Variants in MAGI2 observed in about 807,000 individuals in gnomAD.
MAGI2 encodes the protein membrane associated guanylate kinase, WW and PDZ domain containing 2, also known as membrane-associated guanylate kinase, WW and PDZ domain-containing protein 2.
In MAGI2, 35 loss-of-function variants were observed where a neutral mutation model predicts 133.3. That is an observed-to-expected ratio of 0.26 (90% CI 0.20 to 0.35). The LOEUF is 0.35. MAGI2 is among the 10% of genes least tolerant of loss of function. The pLI is 1.00. For missense variants in MAGI2, 1,636 were observed against 1,863.4 expected (o/e 0.88, Z 2.25); for synonymous variants, 729 against 710.6 (o/e 1.03, Z -0.41).
chr7:79,114,092 C>A (rs1036635797), intron 1 of MAGI2, among the ~76,000 whole-genome samples: 2 of 152,078 alleles, frequency 1.3e-5, no homozygotes, highest in African/African-American at 4.8e-5. Context: ...ACTGGGATTG[C>A]CATTCTAGAT....
chr7:78,898,258 G>A (rs534028662), intron 2 of MAGI2, among the ~76,000 whole-genome samples: 15 of 152,290 alleles, frequency 9.8e-5, no homozygotes, highest in East Asian at 9.7e-4. Flanking sequence ...TAGTTCATCC[G>A]TTGTGGAAAA....
intron 13 of MAGI2, among the ~76,000 whole-genome samples, chr7:78,185,335 C>T (rs1017701476): frequency 5.9e-5 from 9 of 152,160 alleles, no homozygotes; most frequent in African/African-American, 4.8e-5. Context: ...TTACACAGCA[C>T]GGACCTAGTC....
intron 7 of MAGI2, among the ~76,000 whole-genome samples, chr7:78,352,701 A>T (rs1286296863): frequency 6.6e-6 from 1 of 152,196 alleles, no homozygotes; most frequent in Non-Finnish European, 1.5e-5. Flanking sequence ...ATTGGCACTG[A>T]AACTCTTACA....
chr7:79,337,748 T>C lies in MAGI2; in HGVS notation c.301+115272A>G, dbSNP rs372801304. On this transcript the variant is annotated intron_variant, in intron 1 of 21. Coordinates refer to ENST00000354212, the MANE Select transcript of MAGI2 (RefSeq NM_012301.4). ...TACAATGCCCATAGAGATAACCACATAGGGCAATGCTCATTCTTAAGACAT... is the reference window on the plus strand; with the variant it reads ...TACAATGCCCATAGAGATAACCACACAGGGCAATGCTCATTCTTAAGACAT... Among the ~76,000 whole-genome samples the C allele has an allele frequency of 1.2e-4, 19 of 152,240 alleles. No homozygotes were observed. In the East Asian group the frequency reaches 3.5e-3, roughly 28 times the overall value.
chr7:78,452,942 GA>G (rs542986756), intron 6 of MAGI2, among the ~76,000 whole-genome samples: 4 of 150,108 alleles, frequency 2.7e-5, no homozygotes, highest in African/African-American at 4.9e-5. Context: ...GGTTTCTCCT[GA>G]AAAAAAAATC....
At chr7:78,173,720 T>C (rs1313666347) in intron 14 of MAGI2, among the ~76,000 whole-genome samples, 1 of 152,180 alleles carries the variant, frequency 6.6e-6, no homozygotes, top group East Asian at 1.9e-4. Flanking sequence ...TATTCATCTT[T>C]CCAATGTCTT....
chr7:78,460,391 G>A (rs760417325), intron 6 of MAGI2, among the ~76,000 whole-genome samples: 2 of 152,214 alleles, frequency 1.3e-5, no homozygotes, highest in Non-Finnish European at 1.5e-5. Flanking sequence ...CTTGTTCTAA[G>A]TGTCAAACTG....
chr7:78,926,345 A>G (rs183841549), intron 2 of MAGI2, among the ~76,000 whole-genome samples: 35 of 152,168 alleles, frequency 2.3e-4, no homozygotes, highest in Admixed American at 2.2e-3. Context: ...CGTTCTGGGT[A>G]TGCATCCTAC....
chr7:79,018,184 T>A (rs1808928732), intron 1 of MAGI2, among the ~76,000 whole-genome samples: 1 of 151,800 alleles, frequency 6.6e-6, no homozygotes, highest in African/African-American at 2.4e-5. Context: ...GGGAACCCCA[T>A]CAGACTAACA....
intron 2 of MAGI2, among the ~76,000 whole-genome samples, chr7:78,719,463 A>C (rs534900293): frequency 2.6e-4 from 40 of 152,348 alleles, no homozygotes; most frequent in African/African-American, 9.1e-4. Context: ...AGTTTACAGA[A>C]GTGACATTGT....
intron 1 of MAGI2, among the ~76,000 whole-genome samples, chr7:79,035,228 G>A (rs368835053): frequency 3.4e-5 from 5 of 147,790 alleles, no homozygotes; most frequent in South Asian, 2.1e-4. Flanking sequence ...GGCAGGGGGG[G>A]TGGTGGGCCT....
intron 1 of MAGI2, among the ~76,000 whole-genome samples, chr7:79,396,428 C>T (rs1845060429): frequency 1.3e-5 from 2 of 152,098 alleles, no homozygotes; most frequent in Admixed American, 1.3e-4. Flanking sequence ...AAGAGATGCA[C>T]TTAAGGAATA....
In MAGI2 at chr7:78,229,719, G is replaced by A. The variant is rs147380098; in HGVS notation, c.2047+26224C>T. 5.5e-3 allele frequency among the ~76,000 whole-genome samples: 845 copies of A among 152,284 alleles called. 3 individuals are homozygous for A. The highest frequency in any genetic ancestry group is 0.019 in the African/African-American group (785 of 41,548). On this transcript the variant is annotated intron_variant, in intron 10 of 21. Transcript: ENST00000354212. The stretch of plus-strand genomic sequence containing the variant: ...GCCAGGTTCCTAAATAGGAAGGGAC[G>A]ATGACAGAGAAGGGTCCTTGTGATC...
At chr7:79,377,996 G>C (rs1241914330) in intron 1 of MAGI2, among the ~76,000 whole-genome samples, 2 of 151,866 alleles carry the variant, frequency 1.3e-5, no homozygotes, top group African/African-American at 4.8e-5. Flanking sequence ...ATTCAGACTA[G>C]ACATGTTTTC....
At chr7:78,103,025 CCTT>C (rs1325256451) in intron 20 of MAGI2, among the ~76,000 whole-genome samples, 2 of 152,124 alleles carry the variant, frequency 1.3e-5, no homozygotes. Context: ...CTATGAGACT[CCTT>C]CTTCTATCTG....
chr7:78,030,983 A>G (rs1809510984), intron 21 of MAGI2, among the ~76,000 whole-genome samples: 1 of 152,242 alleles, frequency 6.6e-6, no homozygotes, highest in Non-Finnish European at 1.5e-5. Context: ...ATGTCCATCA[A>G]CTGGTGAATG....
chr7:78,232,045 A>G (rs1790033312), intron 10 of MAGI2, among the ~76,000 whole-genome samples: 1 of 151,934 alleles, frequency 6.6e-6, no homozygotes, highest in Non-Finnish European at 1.5e-5. Flanking sequence ...GCTAAGAGGT[A>G]TTCCACAAGA....
intron 1 of MAGI2, among the ~76,000 whole-genome samples, chr7:79,306,852 T>A (rs1178627439): frequency 6.6e-6 from 1 of 152,110 alleles, no homozygotes; most frequent in Non-Finnish European, 1.5e-5. Flanking sequence ...TCTAGCTCTG[T>A]CACCAGGCTG....
intron 20 of MAGI2, among the ~76,000 whole-genome samples, chr7:78,094,151 C>T: frequency 6.6e-6 from 1 of 152,230 alleles, no homozygotes; most frequent in Admixed American, 6.5e-5. Flanking sequence ...ATGCCACTGA[C>T]TGTACCCCTT....
Sources: allele counts gnomAD v4.1 joint callset (sites outside exome capture counted in the v4.1 genomes callset), GRCh38; gene constraint gnomAD v4.1.1; transcripts MANE v1.5; gene names NCBI Gene and HGNC (gene_info 2026-07-23, HGNC 2026-07-21).